The following EMP2 variants were observed in gnomAD, a reference collection of about 807,000 sequenced individuals.
EMP2 encodes the protein epithelial membrane protein 2.
EMP2 carries 19 observed loss-of-function variants against 13.7 expected under a neutral mutation model. That is an observed-to-expected ratio of 1.38 (90% CI 0.97 to 2.03). The LOEUF (loss-of-function observed/expected upper bound fraction) is 2.03, where lower values mean the gene tolerates loss of function less well. EMP2 is among the 30% of genes most tolerant of loss of function. EMP2 has a pLI of 0.00. For synonymous variants in EMP2, 97 were observed against 84.7 expected, an observed-to-expected ratio of 1.15 and a Z score of -0.80; for missense variants, 253 against 220.7, an observed-to-expected ratio of 1.15 and a Z score of -0.93.
intron 3 of EMP2, among the ~76,000 whole-genome samples, chr16:10,542,258 C>G (rs1042611941): frequency 4.6e-5 from 7 of 151,998 alleles, no homozygotes; most frequent in African/African-American, 1.7e-4. Context: ...ATTAGCTGGG[C>G]ATGGTGGTGA....
rs1447407510 is a variant in EMP2 at position 10,531,350 on chromosome 16, T to A, written c.*1555A>T. ...GTTTCTTTTCTTTTTTTTCTTTTTT[T>A]GAGATGGAGTCTCACTCTGTCACCC... is the stretch of plus-strand genomic sequence containing the variant. On this transcript the variant is annotated 3_prime_UTR_variant, in exon 5 of 5. Transcript: ENST00000359543. 2 of 153,150 alleles carry A rather than the reference T, an allele frequency of 1.3e-5. No homozygotes were observed. The highest frequency in any genetic ancestry group is 2.4e-5 in the African/African-American group (1 of 41,396). The allele number at this position is 153,150 out of a possible 1,614,324, so 9.5% of individuals were successfully genotyped here. A position where few individuals can be genotyped will look rare whatever the true frequency, so the allele number is the denominator to read the frequency against.
chr16:10,539,718 AAAAAAG>A (rs1291513352), intron 3 of EMP2, among the ~76,000 whole-genome samples: 2 of 152,124 alleles, frequency 1.3e-5, no homozygotes, highest in African/African-American at 4.8e-5. Context: ...AACTCCATTA[AAAAAAG>A]AAAAAGAAAA....
intron 1 of EMP2, among the ~76,000 whole-genome samples, chr16:10,575,623 A>G (rs961987052): frequency 2.0e-5 from 3 of 152,094 alleles, no homozygotes; most frequent in Non-Finnish European, 4.4e-5. Flanking sequence ...GTATTGCCAA[A>G]GCCTGCAGCA....
chr16:10,529,644 T>C lies in EMP2; in HGVS notation c.*3261A>G, dbSNP rs1158539648. On this transcript the variant is annotated 3_prime_UTR_variant, in exon 5 of 5. Coordinates refer to ENST00000359543, the MANE Select transcript of EMP2 (RefSeq NM_001424.6). ...TTCCATCGTGACTACCAGAAAATTA[T>C]AGAAGGCCAGACGCAGTGGCTCATG... 1 of 152,056 alleles carries C rather than the reference T, an allele frequency of 6.6e-6. No individual in the cohort carries two copies. Among genetic ancestry groups the C allele is most frequent in the Non-Finnish European group, 1.5e-5 (1 of 68,012 alleles). 9.4% of individuals were successfully genotyped at this position (152,056 alleles called of 1,614,324 possible). A position where few individuals can be genotyped will look rare whatever the true frequency, so the allele number is the denominator to read the frequency against.
chr16:10,552,353 G>A (rs10431894), intron 1 of EMP2, among the ~76,000 whole-genome samples: 14,035 of 152,078 alleles, frequency 0.092, 758 homozygotes, highest in East Asian at 0.13. Context: ...AAAGAAAAAA[G>A]GTTTTAACCC....
chr16:10,575,234 A>ATTTTT (rs1261477826), intron 1 of EMP2, among the ~76,000 whole-genome samples: 8 of 53,364 alleles, frequency 1.5e-4, no homozygotes, highest in South Asian at 8.0e-4. Context: ...TGGAGCTTGC[A>ATTTTT]TTCTTTTTTT....
chr16:10,573,870 T>C (rs1016210181), intron 1 of EMP2, among the ~76,000 whole-genome samples: 1 of 152,150 alleles, frequency 6.6e-6, no homozygotes, highest in Admixed American at 6.6e-5. Flanking sequence ...CTCCTGGTTG[T>C]TCTTTTTTTA....
intron 1 of EMP2, among the ~76,000 whole-genome samples, chr16:10,559,425 C>G (rs983303788): frequency 1.3e-5 from 2 of 152,250 alleles, no homozygotes; most frequent in South Asian, 4.1e-4. Context: ...GCATTTGGCT[C>G]TCTCCGGAAA....
At chr16:10,536,718 C>T (rs910645114) in intron 4 of EMP2, among the ~76,000 whole-genome samples, 3 of 152,190 alleles carry the variant, frequency 2.0e-5, no homozygotes, top group African/African-American at 4.8e-5. Context: ...ACCTCTCAGG[C>T]TCAAATGATC....
intron 2 of EMP2, 179 bp downstream of exon 2, chr16:10,547,361 G>T: frequency 1.6e-6 from 1 of 638,384 alleles, no homozygotes; most frequent in Non-Finnish European, 2.6e-6. Flanking sequence ...CTCCTCCTTT[G>T]CCTTCTGCAG....
chr16:10,568,086 A>G (rs1430353154), intron 1 of EMP2, among the ~76,000 whole-genome samples: 1 of 152,194 alleles, frequency 6.6e-6, no homozygotes, highest in African/African-American at 2.4e-5. Context: ...CTTAGCCATG[A>G]TCAATTTACA....
At chr16:10,541,689 G>A (rs936410105) in intron 3 of EMP2, among the ~76,000 whole-genome samples, 2 of 152,130 alleles carry the variant, frequency 1.3e-5, no homozygotes, top group Admixed American at 6.5e-5. Flanking sequence ...AATAACAGAC[G>A]AGATGGAAGG....
intron 1 of EMP2, among the ~76,000 whole-genome samples, chr16:10,549,113 C>T (rs1407826146): frequency 1.3e-5 from 2 of 152,324 alleles, no homozygotes; most frequent in African/African-American, 4.8e-5. Flanking sequence ...TGAAGCCTCA[C>T]ACCTTGGACA....
intron 2 of EMP2, 38 bp downstream of exon 2, chr16:10,547,502 C>T (rs762030051): frequency 3.1e-6 from 5 of 1,607,818 alleles, no homozygotes; most frequent in Non-Finnish European, 4.3e-6. Context: ...GACTGCAGGA[C>T]CCAGGTTTCT....
At chr16:10,543,844 T>C (rs140556790) in intron 2 of EMP2, among the ~76,000 whole-genome samples, 184 bp from the exon 3 acceptor site, 1 of 152,268 alleles carries the variant, frequency 6.6e-6, no homozygotes, top group Non-Finnish European at 1.5e-5. Context: ...ACTGGGATTC[T>C]GCATTTCTTT....
At chr16:10,579,735 CA>C (rs1244531148) in intron 1 of EMP2, among the ~76,000 whole-genome samples, 4 of 151,642 alleles carry the variant, frequency 2.6e-5, no homozygotes, top group East Asian at 3.9e-4. Flanking sequence ...CACACACACA[CA>C]CACCCTCAAA....
chr16:10,553,535 T>C (rs2050804848), intron 1 of EMP2, among the ~76,000 whole-genome samples: 1 of 152,184 alleles, frequency 6.6e-6, no homozygotes, highest in South Asian at 2.1e-4. Context: ...CCAGTCAACT[T>C]TCTTTGGCTG....
chr16:10,563,542 C>T (rs2050886994), intron 1 of EMP2, among the ~76,000 whole-genome samples: 1 of 152,180 alleles, frequency 6.6e-6, no homozygotes, highest in African/African-American at 2.4e-5. Context: ...ATAGATGGAT[C>T]TTTGCTGGCG....
At chr16:10,553,713 G>A (rs747635187) in intron 1 of EMP2, among the ~76,000 whole-genome samples, 1 of 152,236 alleles carries the variant, frequency 6.6e-6, no homozygotes, top group Non-Finnish European at 1.5e-5. Flanking sequence ...TGGGCTGCCT[G>A]GTGTTTTGTT....
Sources: allele counts gnomAD v4.1 joint callset (sites outside exome capture counted in the v4.1 genomes callset), GRCh38; gene constraint gnomAD v4.1.1; transcripts MANE v1.5; gene names NCBI Gene and HGNC (gene_info 2026-07-23, HGNC 2026-07-21).